The following PANK2 variants were observed in gnomAD, a reference collection of about 807,000 sequenced individuals.
PANK2 encodes pantothenate kinase 2, mitochondrial.
A neutral mutation model predicts 43.1 loss-of-function variants in PANK2; 36 were observed. The ratio of observed to expected loss-of-function variants is 0.84; its 90% confidence interval spans 0.64 to 1.10. The LOEUF (loss-of-function observed/expected upper bound fraction) is 1.10. PANK2 is among the 50% of genes least tolerant of loss of function. The pLI is 0.00. For synonymous variants in PANK2, 281 were observed against 238.2 expected, an observed-to-expected ratio of 1.18 and a Z score of -1.66; for missense variants, 576 against 593.3, an observed-to-expected ratio of 0.97 and a Z score of 0.30.
intron 1 of PANK2, among the ~76,000 whole-genome samples, chr20:3,890,328 C>T (rs1052489119): frequency 6.6e-6 from 1 of 152,186 alleles, no homozygotes; most frequent in African/African-American, 2.4e-5. Flanking sequence ...TGCAGGTACT[C>T]ACGATTCAGA....
At chr20:3,912,264 A>G (rs2090479428) in intron 3 of PANK2, among the ~76,000 whole-genome samples, 194 bp from the exon 4 acceptor site, 2 of 152,148 alleles carry the variant, frequency 1.3e-5, no homozygotes, top group East Asian at 1.9e-4. Context: ...TGTACTTTGC[A>G]TGTTGGCTCA....
At chr20:3,919,259 G>A (rs2090611613) in intron 6 of PANK2, among the ~76,000 whole-genome samples, 1 of 152,102 alleles carries the variant, frequency 6.6e-6, no homozygotes, top group African/African-American at 2.4e-5. Context: ...TTTCTTCCCT[G>A]ATACTAATGC....
upstream of PANK2, chr20:3,889,147 C>T (rs2090064466): frequency 1.3e-6 from 2 of 1,580,318 alleles, no homozygotes; most frequent in Non-Finnish European, 1.7e-6. Context: ...TGGGCGGCGC[C>T]GCCATCACTC....
chr20:3,915,207 AT>A (rs2090538544), intron 4 of PANK2, among the ~76,000 whole-genome samples: 1 of 148,472 alleles, frequency 6.7e-6, no homozygotes, highest in South Asian at 2.2e-4. Flanking sequence ...ATCATGAAGA[AT>A]TGCCTAATTT....
chr20:3,889,654 A>G lies in PANK2; in HGVS notation c.224A>G (p.Asp75Gly). Residue 75 changes from aspartate to glycine, a missense_variant, in exon 1 of 7, where the codon GAT (aspartate) becomes GGT (glycine). Around this residue, in one of 2 missense-constraint regions of PANK2, gnomAD observed 544 missense variants for 528.9 expected, o/e 1.03. Coordinates refer to ENST00000610179, the MANE Select transcript of PANK2 (RefSeq NM_001386393.1). ...GCCTCGGCTGAGGGCACGAGGCGGG[A>G]TCGACTGGGCTCTTACAGCGGCCCC... 1 of 1,586,946 alleles carries G rather than the reference A, an allele frequency of 6.3e-7. No homozygotes were observed. Among genetic ancestry groups the G allele is most frequent in the Non-Finnish European group, 8.5e-7 (1 of 1,175,088 alleles).
chr20:3,889,168 T>G (rs1475079321), upstream of PANK2: 2 of 1,604,016 alleles, frequency 1.2e-6, no homozygotes, highest in Admixed American at 3.4e-5. Flanking sequence ...TCTTCTGGGC[T>G]ACACCGCCTT....
At position 3,889,534 on chromosome 20, in the gene PANK2, C is replaced by T. The variant is rs777111649; in HGVS notation, c.104C>T (p.Ser35Leu). The T allele has an allele frequency of 2.8e-6, 4 of 1,423,900 alleles. No homozygotes were observed. Among genetic ancestry groups the T allele is most frequent in the Non-Finnish European group, 3.6e-6 (4 of 1,099,650 alleles). 88.2% of individuals were successfully genotyped at this position (1,423,900 alleles called of 1,614,324 possible). ...GGCAGGGCTTCCGCCACCTCCGTCT[C>T]GTCGGCTGGGGAGCAGGCGGCCGGG... The change falls in exon 1 of 7, where the codon TCG becomes TTG. Residue 35 changes from serine (S) to leucine (L), a missense_variant. Ser to Leu is a moderately radical substitution (Grantham distance 145, BLOSUM62 -2). Transcript: ENST00000610179.
chr20:3,901,672 AT>A, intron 1 of PANK2: 1 of 822,994 alleles, frequency 1.2e-6, no homozygotes, highest in Non-Finnish European at 1.5e-6. Context: ...ACTTTTGTTT[AT>A]TTCTTAAAGC....
chr20:3,898,273 A>C (rs1351027608), intron 1 of PANK2, among the ~76,000 whole-genome samples: 2 of 151,976 alleles, frequency 1.3e-5, no homozygotes, highest in African/African-American at 2.4e-5. Flanking sequence ...GATCTTGGCT[A>C]ACTGCAGTCT....
intron 1 of PANK2, among the ~76,000 whole-genome samples, chr20:3,891,634 A>G (rs1362107707): frequency 6.6e-6 from 1 of 152,172 alleles, no homozygotes; most frequent in Non-Finnish European, 1.5e-5. Flanking sequence ...AGACTGACTT[A>G]CTTGAGGCGA....
At chr20:3,893,162 C>G (rs2090151237) in intron 1 of PANK2, among the ~76,000 whole-genome samples, 1 of 152,064 alleles carries the variant, frequency 6.6e-6, no homozygotes, top group Admixed American at 6.6e-5. Context: ...GATGAGAAAA[C>G]AGGCTCAGTG....
chr20:3,889,151 A>G, upstream of PANK2: 2 of 1,588,112 alleles, frequency 1.3e-6, no homozygotes, highest in Non-Finnish European at 1.7e-6. Context: ...CGGCGCCGCC[A>G]TCACTCTCTT....
chr20:3,923,539 T>A lies in PANK2; in HGVS notation c.*245T>A, dbSNP rs2090679499. The A allele has an allele frequency of 1.8e-6, 1 of 565,866 alleles. No homozygotes were observed. Among genetic ancestry groups the A allele is most frequent in the Non-Finnish European group, 3.1e-6 (1 of 317,750 alleles). The allele number at this position is 565,866 out of a possible 1,614,324, so 35.1% of individuals were successfully genotyped here. ...GTCCAGGCAGTGTGAGGATTTGCTGTATATAAGTTGCCTGCTTTGTATTTT... is the reference window on the plus strand; with the variant it reads ...GTCCAGGCAGTGTGAGGATTTGCTGAATATAAGTTGCCTGCTTTGTATTTT... On this transcript the variant is annotated 3_prime_UTR_variant, in exon 7 of 7. Coordinates refer to ENST00000610179, the MANE Select transcript of PANK2 (RefSeq NM_001386393.1).
At chr20:3,915,787 A>T (rs1461820154) in intron 4 of PANK2, among the ~76,000 whole-genome samples, 1 of 152,160 alleles carries the variant, frequency 6.6e-6, no homozygotes, top group Non-Finnish European at 1.5e-5. Flanking sequence ...AGTTGACCAT[A>T]GATGTTTGGG....
At chr20:3,900,028 TGA>T (rs775195523) in intron 1 of PANK2, among the ~76,000 whole-genome samples, 3 of 151,950 alleles carry the variant, frequency 2.0e-5, no homozygotes, top group South Asian at 2.1e-4. Context: ...TTTATGCACA[TGA>T]GAGAGTTTTT....
Position 3,912,442 on chromosome 20 carries a change from T to C in PANK2, c.906-16T>C, listed in dbSNP as rs554472456. 2.5e-6 allele frequency: 4 copies of C among 1,612,748 alleles called. No individual in the cohort carries two copies. The highest frequency in any genetic ancestry group is 1.3e-5 in the African/African-American group (1 of 75,024). On this transcript the variant is annotated splice_polypyrimidine_tract_variant and intron_variant, in intron 3 of 6. Coordinates refer to ENST00000610179, the MANE Select transcript of PANK2 (RefSeq NM_001386393.1). ...TAAAAATGTTATAATACTGTGTTAA[T>C]TGTTTTTAATCATAGTCTTGGAGGA...
Position 3,927,581 on chromosome 20 carries a change from C to T in PANK2, c.*4287C>T, listed in dbSNP as rs1230765. On this transcript the variant is annotated 3_prime_UTR_variant, in exon 7 of 7. Transcript: ENST00000610179. The stretch of plus-strand genomic sequence containing the variant: ...GTGAGGAAACCCGAGGGCCAAACTA[C>T]AAGACGAAAAAGTGCCCCGTTCCTG... 9.2e-5 allele frequency: 14 copies of T among 152,124 alleles called. No individual in the cohort carries two copies. Among genetic ancestry groups the T allele is most frequent in the African/African-American group, 3.4e-4 (14 of 41,430 alleles). The allele number at this position is 152,124 out of a possible 1,614,324, so 9.4% of individuals were successfully genotyped here. A position where few individuals can be genotyped will look rare whatever the true frequency, so the allele number is the denominator to read the frequency against.
At chr20:3,898,165 A>G (rs780270540) in intron 1 of PANK2, among the ~76,000 whole-genome samples, 11 of 150,684 alleles carry the variant, frequency 7.3e-5, no homozygotes, top group Non-Finnish European at 1.2e-4. Flanking sequence ...GCTATGGCCT[A>G]TTAATTTTAC....
At chr20:3,913,792 T>TATATATATATA (rs1568577269) in intron 4 of PANK2, among the ~76,000 whole-genome samples, 2 of 111,898 alleles carry the variant, frequency 1.8e-5, no homozygotes, top group African/African-American at 6.9e-5. Context: ...ATATATATAT[T>TATATATATATA]TTTTTTTTTT....
Sources: allele counts gnomAD v4.1 joint callset (sites outside exome capture counted in the v4.1 genomes callset), GRCh38; gene constraint gnomAD v4.1.1; regional missense constraint gnomAD v4.1.1; transcripts MANE v1.5; gene names NCBI Gene and HGNC (gene_info 2026-07-23, HGNC 2026-07-21).